DLG3: variants seen among roughly 807,000 people sequenced by gnomAD.
DLG3 encodes the protein disks large homolog 3.
DLG3 carries 1 observed loss-of-function variant against 64.1 expected under a neutral mutation model. The ratio of observed to expected loss-of-function variants is 0.02; its 90% CI spans 0.01 to 0.07. The LOEUF (loss-of-function observed/expected upper bound fraction) is 0.07. Ranked by LOEUF, DLG3 falls within the 10% of genes least tolerant of loss-of-function variation. The pLI, the probability that DLG3 is intolerant of heterozygous loss-of-function variation, is 1.00. For missense variants in DLG3, 429 were observed against 669.5 expected (o/e 0.64, Z 3.96); for synonymous variants, 245 against 259.8 (o/e 0.94, Z 0.55).
intron 7 of DLG3, chrX:70,452,729 C>T (rs1185121329): frequency 7.5e-6 from 9 of 1,195,299 alleles, no homozygotes; most frequent in African/African-American, 1.8e-5. Flanking sequence ...GGCCGCTCCG[C>T]TCCCTGCGGC....
intron 9 of DLG3, among the ~76,000 whole-genome samples, chrX:70,464,908 A>G (rs1373382201): frequency 8.9e-6 from 1 of 111,966 alleles, no homozygotes; most frequent in Non-Finnish European, 1.9e-5. Context: ...GTGGGCTGAG[A>G]TGGCACCACT....
At position 70,459,071 on chromosome X, in the gene DLG3, T is replaced by C. The variant is rs182727220; in HGVS notation, c.1405+4755T>C. 4.7e-4 allele frequency among the ~76,000 whole-genome samples: 53 copies of C among 112,373 alleles called. No individual in the cohort carries two copies. The East Asian group carries it at 0.014, about 29-fold the overall frequency. ...CGTAGTGACTTTATATCAGCCTCTG[T>C]TTATAAACTGATCTAGTATTTTTCT... is the stretch of plus-strand genomic sequence containing the variant. On this transcript the variant is annotated intron_variant, in intron 9 of 18. Coordinates refer to ENST00000374360, the MANE Select transcript of DLG3 (RefSeq NM_021120.4).
At chrX:70,493,319 T>G in intron 12 of DLG3, 1 of 1,047,755 alleles carries the variant, frequency 9.5e-7, no homozygotes, top group Non-Finnish European at 1.3e-6. Flanking sequence ...TTAAAATCCA[T>G]TGTTCTGTTT....
intron 6 of DLG3, 145 bp downstream of exon 6, chrX:70,450,928 C>T (rs951936154): frequency 2.6e-6 from 2 of 768,037 alleles, no homozygotes; most frequent in Non-Finnish European, 1.9e-6. Context: ...TTATCTGAGG[C>T]GCCATTATTG....
At position 70,445,493 on chromosome X, in the gene DLG3, C is replaced by T; in HGVS notation, c.292C>T (p.Leu98Phe). 8.3e-7 allele frequency: 1 copy of T among 1,198,471 alleles called. No homozygotes were observed. The highest frequency in any genetic ancestry group is 1.1e-6 in the Non-Finnish European group (1 of 889,236). Residue 98 changes from leucine (L) to phenylalanine (F), a missense_variant, in exon 1 of 19, where the codon CTC (leucine) becomes TTC (phenylalanine). Around this residue, in one of 9 missense-constraint regions of DLG3, gnomAD observed 123 missense variants for 113.3 expected, o/e 1.09. Transcript: ENST00000374360. ...KPVPGKSTPK[L>F]NGSGPSWWPE... ...AGTCCCGGGCAAGAGCACCCCCAAA[C>T]TCAACGGCAGCGGCCCCAGCTGGTG...
intron 9 of DLG3, among the ~76,000 whole-genome samples, chrX:70,477,296 C>A (rs1343100363): frequency 8.9e-6 from 1 of 112,566 alleles, no homozygotes; most frequent in Admixed American, 9.4e-5. Context: ...AGTTCTTTCT[C>A]TCTTTGACTT....
At chrX:70,501,022 G>T in intron 18 of DLG3, 33 bp downstream of exon 18, 1 of 1,045,249 alleles carries the variant, frequency 9.6e-7, no homozygotes, top group Non-Finnish European at 1.3e-6. Flanking sequence ...GGGGGTTCTG[G>T]GGAACTAGCC....
chrX:70,455,403 C>G, intron 9 of DLG3: 3 of 712,568 alleles, frequency 4.2e-6, no homozygotes, highest in Non-Finnish European at 5.0e-6. Flanking sequence ...TGCCCCCAGG[C>G]TCCTTCTGAG....
intron 7 of DLG3, chrX:70,452,625 G>A (rs1309406466): frequency 1.7e-6 from 2 of 1,185,110 alleles, no homozygotes; most frequent in Non-Finnish European, 2.3e-6. Flanking sequence ...AGGAGCTATG[G>A]AGAGGGCCCG....
In DLG3 at chrX:70,492,209, T is replaced by C; in HGVS notation, c.1623T>C (p.Asp541=). 8.3e-7 allele frequency: 1 copy of C among 1,211,439 alleles called. No individual in the cohort carries two copies. Among genetic ancestry groups the C allele is most frequent in the Non-Finnish European group, 1.1e-6 (1 of 895,428 alleles). Reference sequence around the variant, plus strand: ...TGCATGTCATTAATGCCTCTGATGATGAGTGGTGGCAGGCAAGGCTGGTGA... The same window carrying C: ...TGCATGTCATTAATGCCTCTGATGACGAGTGGTGGCAGGCAAGGCTGGTGA... ...DILHVINASD[D]EWWQARLVTP... is the part of the protein sequence containing the mutation. Residue 541 remains aspartate, a synonymous_variant, in exon 11 of 19, where the codon GAT becomes GAC. Coordinates refer to ENST00000374360, the MANE Select transcript of DLG3 (RefSeq NM_021120.4).
intron 10 of DLG3, among the ~76,000 whole-genome samples, chrX:70,480,796 G>C (rs1602951681): frequency 8.9e-6 from 1 of 112,165 alleles, no homozygotes; most frequent in Non-Finnish European, 1.9e-5. Context: ...CAGTTTCTTT[G>C]GAGAGCTTTA....
At chrX:70,469,870 A>ACTTC (rs746346162) in intron 9 of DLG3, among the ~76,000 whole-genome samples, 1 of 112,098 alleles carries the variant, frequency 8.9e-6, no homozygotes, top group East Asian at 2.8e-4. Flanking sequence ...CTGTAACTTC[A>ACTTC]CTTCCACCAG....
chrX:70,467,994 T>C (rs1249186367), intron 9 of DLG3, among the ~76,000 whole-genome samples: 2 of 112,160 alleles, frequency 1.8e-5, no homozygotes, highest in East Asian at 5.6e-4. Context: ...GTGAATACTT[T>C]TTCTTAGTTT....
chrX:70,467,924 T>C (rs1335829482), intron 9 of DLG3, among the ~76,000 whole-genome samples: 2 of 112,000 alleles, frequency 1.8e-5, no homozygotes, highest in Non-Finnish European at 3.8e-5. Flanking sequence ...GAGAAGGCCC[T>C]ATTGAGGCTT....
chrX:70,500,099 G>A (rs1239130349), intron 16 of DLG3, 50 bp downstream of exon 16: 1 of 1,098,830 alleles, frequency 9.1e-7, no homozygotes, highest in Non-Finnish European at 1.2e-6. Context: ...CTTATGCCAA[G>A]GTTCCACTTG....
chrX:70,480,112 A>G (rs2087126903), intron 10 of DLG3, among the ~76,000 whole-genome samples: 1 of 111,732 alleles, frequency 8.9e-6, no homozygotes, highest in Non-Finnish European at 1.9e-5. Flanking sequence ...CCTTAGAGAA[A>G]GGTGGTGGGG....
chrX:70,451,313 G>T (rs901163617), intron 6 of DLG3, among the ~76,000 whole-genome samples: 2 of 111,160 alleles, frequency 1.8e-5, no homozygotes, highest in East Asian at 5.7e-4. Flanking sequence ...ATGTTGGCAA[G>T]GATGGTCTCG....
intron 5 of DLG3, 155 bp downstream of exon 5, chrX:70,450,460 T>G: frequency 1.1e-6 from 1 of 924,863 alleles, no homozygotes; most frequent in Non-Finnish European, 1.5e-6. Context: ...ACAAAGGCCC[T>G]AATTCTTTCT....
intron 7 of DLG3, 105 bp downstream of exon 7, chrX:70,452,131 G>A: frequency 9.0e-7 from 1 of 1,111,309 alleles, no homozygotes; most frequent in Non-Finnish European, 1.2e-6. Flanking sequence ...GCAAAGAAGA[G>A]GATAAGGCCC....
Sources: gnomAD v4.1 joint callset for allele counts (sites outside exome capture counted in the v4.1 genomes callset) on GRCh38, gnomAD v4.1.1 for gene constraint, gnomAD v4.1.1 regional missense constraint, MANE v1.5 for transcripts, NCBI Gene and HGNC (gene_info 2026-07-23, HGNC 2026-07-21) for gene names.